The following NUFIP2 variants were observed in gnomAD, a reference collection of about 807,000 sequenced individuals.
NUFIP2 encodes FMR1-interacting protein NUFIP2.
A neutral mutation model predicts 56.9 loss-of-function variants in NUFIP2; 6 were observed. That is an observed-to-expected ratio of 0.11 (90% confidence interval 0.06 to 0.21). The LOEUF (loss-of-function observed/expected upper bound fraction) is 0.21. Among genes scored for constraint, NUFIP2 ranks in the 10% least tolerant of loss-of-function variants. The probability of loss-of-function intolerance (pLI) is 1.00; values close to 1 mark genes in which losing one functional copy is unlikely to be tolerated. For missense variants in NUFIP2, 828 were observed against 826.8 expected (o/e 1.00, Z -0.02); for synonymous variants, 321 against 298.2 (o/e 1.08, Z -0.79).
At position 29,293,670 on chromosome 17, in the gene NUFIP2, G is replaced by GAC. The variant is rs145321139; in HGVS notation, c.277+111_277+112dup. 6,358 of 1,061,020 alleles carry GAC rather than the reference G, an allele frequency of 6.0e-3. 18 individuals are homozygous for GAC. The highest frequency in any genetic ancestry group is 7.5e-3 in the Middle Eastern group (22 of 2,928). 65.7% of individuals were successfully genotyped at this position (1,061,020 alleles called of 1,614,324 possible). The stretch of plus-strand genomic sequence containing the variant: ...AAGGGGCATCCCCAGAGCCGGAGGG[G>GAC]ACACACACACACACACCCCGACCCC... On this transcript the variant is annotated intron_variant, in intron 1 of 3. Coordinates refer to ENST00000225388, the MANE Select transcript of NUFIP2 (RefSeq NM_020772.3).
In NUFIP2 at chr17:29,293,778, CAGA is replaced by C; in HGVS notation, c.277+2_277+4del. 6.4e-7 allele frequency: 1 copy of C among 1,567,738 alleles called. No individual in the cohort carries two copies. The highest frequency in any genetic ancestry group is 8.7e-7 in the Non-Finnish European group (1 of 1,152,516). On this transcript the variant is annotated splice_donor_variant and splice_donor_region_variant and intron_variant, in intron 1 of 3. Coordinates refer to ENST00000225388, the MANE Select transcript of NUFIP2 (RefSeq NM_020772.3). LOFTEE classifies it high-confidence loss of function. ...CCCTTCCCCCACCCGTCCTCCCTCC[CAGA>C]CCTGTTTTCTTCTTCGGCGTTTCCT...
rs2068982667 is a variant in NUFIP2 at position 29,258,432 on chromosome 17, C to G, written c.*6107G>C. 1 of 152,126 alleles carries G rather than the reference C, an allele frequency of 6.6e-6. No homozygotes were observed. The highest frequency in any genetic ancestry group is 6.5e-5 in the Admixed American group (1 of 15,272). The allele number at this position is 152,126 out of a possible 1,614,324, so 9.4% of individuals were successfully genotyped here. ...GGTTCAGGGCAGCACTATTTCCCCT[C>G]TATATACAAACAAAAAATAAGTCCC... On this transcript the variant is annotated 3_prime_UTR_variant, in exon 4 of 4. Transcript: ENST00000225388.
In NUFIP2 at chr17:29,287,374, G is replaced by C; in HGVS notation, c.620C>G (p.Ala207Gly). 6.2e-7 allele frequency: 1 copy of C among 1,613,896 alleles called. No homozygotes were observed. The highest frequency in any genetic ancestry group is 8.5e-7 in the Non-Finnish European group (1 of 1,179,934). Residue 207 changes from alanine (A) to glycine (G), a missense_variant, in exon 2 of 4, where the codon GCA (alanine) becomes GGA (glycine). By Grantham distance (60) the Ala-to-Gly change is moderately conservative. Transcript: ENST00000225388. ...CTCAGATCCACTACCATCATTATCT[G>C]CTCCTTTACCCATATAACCATTAGT... is the stretch of plus-strand genomic sequence containing the variant. The part of the protein sequence containing the change: ...YITNGYMGKG[A>G]DNDGSGSESG...
intron 1 of NUFIP2, among the ~76,000 whole-genome samples, chr17:29,291,035 C>CAAAAAAAAAAAAAAAAAAA (rs60000691): frequency 2.8e-5 from 2 of 72,446 alleles, no homozygotes; most frequent in Non-Finnish European, 3.4e-5. Flanking sequence ...GTTTTAATAA[C>CAAAAAAAAAAAAAAAAAAA]AAAAAAAAAA....
At chr17:29,283,369 ACT>A (rs2069151699) in intron 2 of NUFIP2, among the ~76,000 whole-genome samples, 1 of 152,142 alleles carries the variant, frequency 6.6e-6, no homozygotes, top group Admixed American at 6.6e-5. Context: ...ACACGGTCTC[ACT>A]CTGTTGCCCA....
In NUFIP2 at chr17:29,261,812, T is replaced by C. The variant is rs1481751606; in HGVS notation, c.*2727A>G. 6.6e-6 allele frequency: 1 copy of C among 152,586 alleles called. No individual in the cohort carries two copies. Among genetic ancestry groups the C allele is most frequent in the Non-Finnish European group, 1.5e-5 (1 of 68,010 alleles). 9.5% of individuals were successfully genotyped at this position (152,586 alleles called of 1,614,324 possible). ...GCCCCCAAAATACTGACAGTTAATA[T>C]GATGGGGCACTAGGGTTCTCAGAAA... On this transcript the variant is annotated 3_prime_UTR_variant, in exon 4 of 4. Transcript: ENST00000225388.
intron 1 of NUFIP2, among the ~76,000 whole-genome samples, chr17:29,293,183 A>T (rs951448636): frequency 2.0e-5 from 3 of 151,158 alleles, no homozygotes; most frequent in African/African-American, 7.3e-5. Flanking sequence ...TCCGGCGCCC[A>T]AAAAGGGCGT....
rs767938622 is a variant in NUFIP2 at position 29,264,083 on chromosome 17, T to C, written c.*456A>G. On this transcript the variant is annotated 3_prime_UTR_variant, in exon 4 of 4. Coordinates refer to ENST00000225388, the MANE Select transcript of NUFIP2 (RefSeq NM_020772.3). ...GGGGAAAATGTTGAATCATTCTGGGTTCCCCGTGATTAGTGTATCACTTCA... is the reference window on the plus strand; with the variant it reads ...GGGGAAAATGTTGAATCATTCTGGGCTCCCCGTGATTAGTGTATCACTTCA... 1 of 152,510 alleles carries C rather than the reference T, an allele frequency of 6.6e-6. No homozygotes were observed. The highest frequency in any genetic ancestry group is 1.5e-5 in the Non-Finnish European group (1 of 68,028). The allele number at this position is 152,510 out of a possible 1,614,324, so 9.4% of individuals were successfully genotyped here.
In NUFIP2 at chr17:29,286,087, C is replaced by G; in HGVS notation, c.1907G>C (p.Gly636Ala). The change falls in exon 2 of 4, where the codon GGC (glycine) becomes GCC (alanine). Residue 636 changes from glycine to alanine, a missense_variant. Gly to Ala is a moderately conservative substitution (Grantham distance 60, BLOSUM62 0). This residue lies in a region of NUFIP2 where 404 missense variants were observed against 380.3 expected (regional missense o/e 1.06). Coordinates refer to ENST00000225388, the MANE Select transcript of NUFIP2 (RefSeq NM_020772.3). ...CTGGTATCTCTGTTCTTTGGCAGAG[C>G]CTAACAAAGTGTTCGTAGGAGAGGC... is the stretch of plus-strand genomic sequence containing the variant. ...PLASPTNTLLGSAKEQRYQRG... is the reference protein window; with the variant it reads ...PLASPTNTLLASAKEQRYQRG... 1.9e-6 allele frequency: 3 copies of G among 1,613,902 alleles called. No homozygotes were observed. In the South Asian group the frequency reaches 3.3e-5, roughly 18 times the overall value.
At chr17:29,266,333 G>A (rs759920751) in intron 3 of NUFIP2, among the ~76,000 whole-genome samples, 9 of 151,956 alleles carry the variant, frequency 5.9e-5, no homozygotes, top group African/African-American at 1.7e-4. Flanking sequence ...AAGTAACTCC[G>A]GAAGAAAGAG....
intron 1 of NUFIP2, among the ~76,000 whole-genome samples, chr17:29,291,720 A>C (rs573597684): frequency 6.6e-6 from 1 of 152,374 alleles, no homozygotes; most frequent in African/African-American, 2.4e-5. Context: ...ATAATATGGT[A>C]GTATTTTCTC....
At position 29,263,044 on chromosome 17, in the gene NUFIP2, C is replaced by T. The variant is rs954962143; in HGVS notation, c.*1495G>A. 6.6e-6 allele frequency: 1 copy of T among 152,562 alleles called. No homozygotes were observed. The highest frequency in any genetic ancestry group is 2.4e-5 in the African/African-American group (1 of 41,428). The allele number at this position is 152,562 out of a possible 1,614,324, so 9.5% of individuals were successfully genotyped here. A position where few individuals can be genotyped will look rare whatever the true frequency, so the allele number is the denominator to read the frequency against. On this transcript the variant is annotated 3_prime_UTR_variant, in exon 4 of 4. Coordinates refer to ENST00000225388, the MANE Select transcript of NUFIP2 (RefSeq NM_020772.3). Reference sequence around the variant, plus strand: ...CCAGTCTACTTTTATCAGAAGACTACAACTCTTTATATAAATGCCCTGATA... The same window carrying T: ...CCAGTCTACTTTTATCAGAAGACTATAACTCTTTATATAAATGCCCTGATA...
At chr17:29,270,253 A>T (rs1289343825) in intron 2 of NUFIP2, among the ~76,000 whole-genome samples, 1 of 151,754 alleles carries the variant, frequency 6.6e-6, no homozygotes, top group Non-Finnish European at 1.5e-5. Context: ...ACCTATCCAA[A>T]GAAAGGCAGG....
Position 29,293,954 on chromosome 17 carries a change from A to T in NUFIP2, c.106T>A (p.Tyr36Asn). 6.2e-7 allele frequency: 1 copy of T among 1,612,246 alleles called. No individual in the cohort carries two copies. The stretch of plus-strand genomic sequence containing the variant: ...TTGTGGCTGTGGTTGTAGAAATAAT[A>T]ATGGTGGTGGTGGTGCGGCTGCTGC... ...QQQQPHHHHHYYFYNHSHNHH... is the reference protein window; with the variant it reads ...QQQQPHHHHHNYFYNHSHNHH... Residue 36 changes from tyrosine to asparagine, a missense_variant, in exon 1 of 4, where the codon TAT (tyrosine) becomes AAT (asparagine). By Grantham distance (143) the Tyr-to-Asn change is moderately radical. Coordinates refer to ENST00000225388, the MANE Select transcript of NUFIP2 (RefSeq NM_020772.3).
chr17:29,294,015 G>A lies in NUFIP2; in HGVS notation c.45C>T (p.Ser15=). Residue 15 remains serine, a synonymous_variant, in exon 1 of 4, where the codon AGC becomes AGT. Coordinates refer to ENST00000225388, the MANE Select transcript of NUFIP2 (RefSeq NM_020772.3). Reference sequence around the variant, plus strand: ...GAGGGTGATGGTGCGGATGGTGGTGGCTGTGATGGTGCTGAGGCTGTGGCT... The same window carrying A: ...GAGGGTGATGGTGCGGATGGTGGTGACTGTGATGGTGCTGAGGCTGTGGCT... ...PGQPQPQHHH[S]HHHPHHHPQQ... 1 of 1,612,492 alleles carries A rather than the reference G, an allele frequency of 6.2e-7. No individual in the cohort carries two copies.
chr17:29,288,478 A>G (rs1227632044), intron 1 of NUFIP2, among the ~76,000 whole-genome samples: 5 of 152,262 alleles, frequency 3.3e-5, no homozygotes, highest in Non-Finnish European at 4.4e-5. Flanking sequence ...CACTATCAGC[A>G]GTTTCCAAGG....
intron 2 of NUFIP2, among the ~76,000 whole-genome samples, chr17:29,272,845 TTTTTTTTC>T (rs2069083722): frequency 6.6e-6 from 1 of 151,962 alleles, no homozygotes; most frequent in African/African-American, 2.4e-5. Flanking sequence ...TGATTCTTTT[TTTTTTTTC>T]TTTTCTTTTC....
At chr17:29,275,023 GT>G (rs571066266) in intron 2 of NUFIP2, among the ~76,000 whole-genome samples, 2 of 146,200 alleles carry the variant, frequency 1.4e-5, no homozygotes, top group East Asian at 2.1e-4. Context: ...TCTGAACTCA[GT>G]TTTTTTTTTG....
chr17:29,292,578 G>T (rs1294728980), intron 1 of NUFIP2, among the ~76,000 whole-genome samples: 1 of 151,078 alleles, frequency 6.6e-6, no homozygotes, highest in Non-Finnish European at 1.5e-5. Context: ...CTCAGGCACC[G>T]CCTCTACCCG....
Sources: gnomAD v4.1 joint callset for allele counts (sites outside exome capture counted in the v4.1 genomes callset) on GRCh38, gnomAD v4.1.1 for gene constraint, gnomAD v4.1.1 regional missense constraint, MANE v1.5 for transcripts, NCBI Gene and HGNC (gene_info 2026-07-23, HGNC 2026-07-21) for gene names.